The following CAST variants were observed in gnomAD, a reference collection of about 807,000 sequenced individuals.
CAST encodes MIR583 host.
Under a neutral mutation model 119.6 loss-of-function variants are expected in CAST, and 76 were observed. The observed-to-expected ratio is 0.64, with a 90% confidence interval of 0.53 to 0.77. The LOEUF is 0.77. CAST is among the 30% of genes least tolerant of loss of function. CAST has a pLI of 0.00. For missense variants in CAST, 953 were observed against 946.5 expected, an observed-to-expected ratio of 1.01 and a Z score of -0.09; for synonymous variants, 319 against 331.6, an observed-to-expected ratio of 0.96 and a Z score of 0.41.
At chr5:96,392,220 T>G in the CAST span, 2 of 151,906 alleles carry the variant, frequency 1.3e-5, no homozygotes, top group African/African-American at 2.4e-5. Context: ...CTCCCAACAT[T>G]TATTTTGTGG....
chr5:95,984,210 T>C, the CAST span, among the ~76,000 whole-genome samples: 1 of 152,226 alleles, frequency 6.6e-6, no homozygotes, highest in African/African-American at 2.4e-5. Context: ...TACTTTTCAC[T>C]GCTTGTTGAG....
chr5:96,332,594 C>T, the CAST span, among the ~76,000 whole-genome samples: 1 of 152,108 alleles, frequency 6.6e-6, no homozygotes, highest in African/African-American at 2.4e-5. Flanking sequence ...GTCCCAGAAA[C>T]TGAGATGTGA....
At chr5:96,393,467 C>T in the CAST span, 6 of 1,483,152 alleles carry the variant, frequency 4.0e-6, no homozygotes, top group South Asian at 3.5e-5. Context: ...AGGAACGCTG[C>T]CTGCCGCTTG....
the CAST span, among the ~76,000 whole-genome samples, chr5:96,471,786 G>GTGTGTGTGTGTGTGTGTGTGTT: frequency 0.014 from 2,126 of 149,488 alleles, 41 homozygotes; most frequent in African/African-American, 0.043. Context: ...GTGTGTGTGT[G>GTGTGTGTGTGTGTGTGTGTGTT]TGTGTGTGTG....
At chr5:96,148,633 A>G in the CAST span, among the ~76,000 whole-genome samples, 3 of 152,230 alleles carry the variant, frequency 2.0e-5, no homozygotes, top group African/African-American at 7.2e-5. Context: ...TTAGGCCAAC[A>G]CATCTTGTGT....
the CAST span, among the ~76,000 whole-genome samples, chr5:96,041,463 G>A: frequency 6.6e-6 from 1 of 152,046 alleles, no homozygotes; most frequent in East Asian, 1.9e-4. Flanking sequence ...AAGGAAACAT[G>A]ACAAGTAAAT....
chr5:96,446,897 A>G, the CAST span, among the ~76,000 whole-genome samples: 94 of 152,354 alleles, frequency 6.2e-4, no homozygotes, highest in African/African-American at 2.1e-3. Flanking sequence ...TCAGACCAAC[A>G]TCTAGAGAAG....
chr5:96,418,543 A>G, the CAST span, among the ~76,000 whole-genome samples: 9 of 152,336 alleles, frequency 5.9e-5, no homozygotes, highest in African/African-American at 1.7e-4. Context: ...TCAGAGTAGC[A>G]TTCAAATGTA....
the CAST span, among the ~76,000 whole-genome samples, chr5:96,449,506 G>A: frequency 6.6e-6 from 1 of 152,156 alleles, no homozygotes; most frequent in Non-Finnish European, 1.5e-5. Flanking sequence ...CATGAAATCA[G>A]TCCCTGGTGC....
intron 1 of CAST, among the ~76,000 whole-genome samples, chr5:96,548,681 T>G (rs1372260946): frequency 1.3e-5 from 2 of 152,154 alleles, no homozygotes; most frequent in African/African-American, 4.8e-5. Flanking sequence ...ACCCTAGAAT[T>G]TTCAAGGATG....
chr5:96,135,532 G>C, the CAST span, among the ~76,000 whole-genome samples: 2 of 152,078 alleles, frequency 1.3e-5, no homozygotes. Context: ...ATGAGATGTT[G>C]ACTAATATTA....
chr5:96,048,379 G>T, the CAST span, among the ~76,000 whole-genome samples: 3 of 152,222 alleles, frequency 2.0e-5, no homozygotes, highest in South Asian at 2.1e-4. Context: ...GACCAGAGTA[G>T]GTGGCTTCAA....
the CAST span, among the ~76,000 whole-genome samples, chr5:96,372,559 C>T: frequency 6.6e-6 from 1 of 152,108 alleles, no homozygotes; most frequent in South Asian, 2.1e-4. Flanking sequence ...AAATGTAATA[C>T]CATGGGACTT....
chr5:96,383,311 C>T, the CAST span, among the ~76,000 whole-genome samples: 3 of 152,118 alleles, frequency 2.0e-5, no homozygotes, highest in African/African-American at 7.2e-5. Flanking sequence ...ATTAGCATAC[C>T]GGAGGAAGGC....
At chr5:96,718,176 G>A (rs1581106099) in intron 3 of CAST, among the ~76,000 whole-genome samples, 1 of 152,144 alleles carries the variant, frequency 6.6e-6, no homozygotes, top group African/African-American at 2.4e-5. Context: ...GTTAATTTGG[G>A]CTAATAAGCA....
intron 2 of CAST, among the ~76,000 whole-genome samples, chr5:96,677,782 G>T (rs1187617642): frequency 6.6e-6 from 1 of 152,142 alleles, no homozygotes; most frequent in African/African-American, 2.4e-5. Context: ...AAACATAACA[G>T]AATTTGTTTG....
At chr5:96,560,280 C>T (rs1378185660) in intron 1 of CAST, among the ~76,000 whole-genome samples, 2 of 151,984 alleles carry the variant, frequency 1.3e-5, no homozygotes, top group African/African-American at 4.8e-5. Flanking sequence ...CAATACCGTT[C>T]AGGACATAGG....
intron 24 of CAST, chr5:96,761,042 A>C (rs184630360): frequency 6.6e-6 from 1 of 152,254 alleles, no homozygotes; most frequent in African/African-American, 2.4e-5. Context: ...GCATAGATCA[A>C]TGAAAAAATT....
the CAST span, among the ~76,000 whole-genome samples, chr5:96,346,806 G>A: frequency 6.6e-6 from 1 of 152,066 alleles, no homozygotes; most frequent in Non-Finnish European, 1.5e-5. Context: ...TGGCTTCCTG[G>A]TCTGATGCAA....
Sources: allele counts gnomAD v4.1 joint callset (sites outside exome capture counted in the v4.1 genomes callset), GRCh38; gene constraint gnomAD v4.1.1; transcripts MANE v1.5; gene names NCBI Gene and HGNC (gene_info 2026-07-23, HGNC 2026-07-21).